PPP1R13B: variants seen among roughly 807,000 people sequenced by gnomAD.
PPP1R13B encodes apoptosis-stimulating of p53 protein 1.
A neutral mutation model predicts 119.8 loss-of-function variants in PPP1R13B; 44 were observed. The ratio of observed to expected loss-of-function variants is 0.37; its 90% CI spans 0.29 to 0.47. The LOEUF is 0.47. Among genes scored for constraint, PPP1R13B ranks in the 20% least tolerant of loss-of-function variants. The pLI, the probability that PPP1R13B is intolerant of heterozygous loss-of-function variation, is 0.99. For missense variants in PPP1R13B, 1,227 were observed against 1,413.5 expected, an observed-to-expected ratio of 0.87 and a Z score of 2.12; for synonymous variants, 542 against 561.5, an observed-to-expected ratio of 0.97 and a Z score of 0.49.
chr14:103,794,205 A>C (rs1279674342), intron 2 of PPP1R13B, among the ~76,000 whole-genome samples: 11 of 152,222 alleles, frequency 7.2e-5, no homozygotes. Context: ...CAGCAAAATA[A>C]TGCACAGATC....
At chr14:103,800,867 T>G (rs1450424324) in intron 1 of PPP1R13B, among the ~76,000 whole-genome samples, 2 of 152,144 alleles carry the variant, frequency 1.3e-5, no homozygotes, top group Non-Finnish European at 2.9e-5. Flanking sequence ...CTTCTTTTTT[T>G]GAGACGGAGT....
chr14:103,748,065 A>T (rs1303348638), intron 8 of PPP1R13B, among the ~76,000 whole-genome samples: 1 of 81,930 alleles, frequency 1.2e-5, no homozygotes, highest in East Asian at 3.3e-4. Context: ...CTTAAATCAC[A>T]TACACACACA....
chr14:103,846,863 C>G (rs2087051253), intron 1 of PPP1R13B: 1 of 544,616 alleles, frequency 1.8e-6, no homozygotes, highest in Admixed American at 2.4e-5. Context: ...ACCGCGAAGG[C>G]TACGGGAATG....
At chr14:103,824,296 G>A (rs1477618697) in intron 1 of PPP1R13B, among the ~76,000 whole-genome samples, 10 of 149,596 alleles carry the variant, frequency 6.7e-5, no homozygotes, top group Non-Finnish European at 1.2e-4. Flanking sequence ...TGCCCGCCTC[G>A]GCCTCCCAAA....
At chr14:103,795,344 CA>C (rs1567130030) in intron 2 of PPP1R13B, among the ~76,000 whole-genome samples, 1 of 152,172 alleles carries the variant, frequency 6.6e-6, no homozygotes, top group Non-Finnish European at 1.5e-5. Flanking sequence ...AGATGTTAGC[CA>C]AGCTCCTAGG....
At chr14:103,748,912 G>A (rs2084467633) in intron 8 of PPP1R13B, among the ~76,000 whole-genome samples, 1 of 152,238 alleles carries the variant, frequency 6.6e-6, no homozygotes, top group African/African-American at 2.4e-5. Flanking sequence ...TGAGCAGTGA[G>A]ACTAGTGTAA....
chr14:103,745,497 C>T (rs1441349452), intron 9 of PPP1R13B, among the ~76,000 whole-genome samples: 1 of 152,206 alleles, frequency 6.6e-6, no homozygotes, highest in African/African-American at 2.4e-5. Flanking sequence ...GCAAGGAAGC[C>T]CCAACACTTT....
intron 1 of PPP1R13B, among the ~76,000 whole-genome samples, chr14:103,803,454 T>C (rs1390931870): frequency 6.6e-6 from 1 of 152,062 alleles, no homozygotes; most frequent in African/African-American, 2.4e-5. Flanking sequence ...CCATCCTGGC[T>C]AACACAGTGA....
At chr14:103,790,062 A>G (rs2085578209) in intron 2 of PPP1R13B, among the ~76,000 whole-genome samples, 1 of 151,868 alleles carries the variant, frequency 6.6e-6, no homozygotes. Context: ...CCTGGCCAAC[A>G]TGGTAAAACC....
rs750902810 is a variant in PPP1R13B at position 103,741,995 on chromosome 14, T to G, written c.1617A>C (p.Pro539=). The change falls in exon 11 of 17, where the codon CCA becomes CCC. Residue 539 remains proline (P), a synonymous_variant. Transcript: ENST00000202556. ...TYPPAGPPAF[P]AGDSKPELPL... is the part of the protein sequence containing the mutation. ...GGAGTTCAGGCTTGCTGTCCCCAGCTGGAAATGCAGGTGGTCCCGCTGGCG... is the reference window on the plus strand; with the variant it reads ...GGAGTTCAGGCTTGCTGTCCCCAGCGGGAAATGCAGGTGGTCCCGCTGGCG... 8.7e-6 allele frequency: 14 copies of G among 1,614,142 alleles called. No homozygotes were observed. The highest frequency in any genetic ancestry group is 3.3e-4 in the Middle Eastern group (2 of 6,084).
rs8009889 is a variant in PPP1R13B, at chr14:103,776,855, G to A, written c.354+1890C>T. 2.2e-3 allele frequency among the ~76,000 whole-genome samples: 330 copies of A among 149,614 alleles called. 1 individual carries two copies. Among genetic ancestry groups the A allele is most frequent in the African/African-American group, 7.6e-3 (311 of 40,742 alleles). Reference sequence around the variant, plus strand: ...CCACTGCACTCCAGCCTGGGCGACAGAGTGAGACTCTGCCTCAAAAAAAAA... The same window carrying A: ...CCACTGCACTCCAGCCTGGGCGACAAAGTGAGACTCTGCCTCAAAAAAAAA... On this transcript the variant is annotated intron_variant, in intron 4 of 16. Coordinates refer to ENST00000202556, the MANE Select transcript of PPP1R13B (RefSeq NM_015316.3).
rs777362785 is a variant in PPP1R13B at position 103,797,422 on chromosome 14, T to C, written c.106A>G (p.Lys36Glu). Residue 36 changes from lysine (K) to glutamate (E), a missense_variant, in exon 2 of 17, where the codon AAG (lysine) becomes GAG (glutamate). Physicochemically the swap from Lys to Glu is moderately conservative, Grantham distance 56 (BLOSUM62 1). Transcript: ENST00000202556. ...TGGCAGCTGCCTTCTCCAGGTTCCT[T>C]GCAAAATTCTACAACATCTCGACAG... ...TTCRDVVEFCKEPGEGSCHLA... is the reference protein window; with the variant it reads ...TTCRDVVEFCEEPGEGSCHLA... The C allele has an allele frequency of 3.7e-6, 6 of 1,613,974 alleles. No individual in the cohort carries two copies. The highest frequency in any genetic ancestry group is 2.2e-5 in the East Asian group (1 of 44,876).
intron 2 of PPP1R13B, among the ~76,000 whole-genome samples, chr14:103,788,492 T>C (rs1424270347): frequency 6.6e-6 from 1 of 152,234 alleles, no homozygotes; most frequent in African/African-American, 2.4e-5. Flanking sequence ...TTCATACTAC[T>C]TAAGCAGAAG....
intron 4 of PPP1R13B, 76 bp from the exon 5 acceptor site, chr14:103,757,827 T>A: frequency 8.0e-7 from 1 of 1,242,388 alleles, no homozygotes; most frequent in Non-Finnish European, 1.2e-6. Flanking sequence ...AACTCACACA[T>A]ATCAGGACTT....
chr14:103,760,733 C>CA (rs1020791403), intron 4 of PPP1R13B, among the ~76,000 whole-genome samples: 3 of 152,178 alleles, frequency 2.0e-5, no homozygotes, highest in Admixed American at 2.0e-4. Flanking sequence ...TCTCCAGCCT[C>CA]ACGGCAACAT....
intron 1 of PPP1R13B, among the ~76,000 whole-genome samples, chr14:103,810,102 G>A (rs947695703): frequency 6.7e-6 from 1 of 150,362 alleles, no homozygotes; most frequent in Non-Finnish European, 1.5e-5. Context: ...GGAATTACAA[G>A]TGTGAGCCAC....
chr14:103,825,540 T>C (rs1411289239), intron 1 of PPP1R13B, among the ~76,000 whole-genome samples: 1 of 152,202 alleles, frequency 6.6e-6, no homozygotes, highest in African/African-American at 2.4e-5. Flanking sequence ...GGAGAAAGTT[T>C]TAGTAGTCTG....
upstream of PPP1R13B, chr14:103,847,643 G>A (rs2087093017): frequency 1.0e-6 from 1 of 983,110 alleles, no homozygotes; most frequent in Non-Finnish European, 1.2e-6. Flanking sequence ...GCCCCGCACG[G>A]GTCCCGTAGC....
In PPP1R13B at chr14:103,733,252, TTGGG is replaced by T; in HGVS notation, c.*1898_*1901del. 1 of 555,228 alleles carries T rather than the reference TTGGG, an allele frequency of 1.8e-6. No homozygotes were observed. Among genetic ancestry groups the T allele is most frequent in the Non-Finnish European group, 3.2e-6 (1 of 315,888 alleles). 34.4% of individuals were successfully genotyped at this position (555,228 alleles called of 1,614,324 possible). A position where few individuals can be genotyped will look rare whatever the true frequency, so the allele number is the denominator to read the frequency against. On this transcript the variant is annotated 3_prime_UTR_variant, in exon 17 of 17. Transcript: ENST00000202556. ...GAATTTGTGTATTGTCAATACTTAA[TTGGG>T]GGTGGGAGAGACTGAGCTACACTAC...
Sources: gnomAD v4.1 joint callset for allele counts (sites outside exome capture counted in the v4.1 genomes callset) on GRCh38, gnomAD v4.1.1 for gene constraint, MANE v1.5 for transcripts, NCBI Gene and HGNC (gene_info 2026-07-23, HGNC 2026-07-21) for gene names.